The following EEF1AKMT2 variants were observed in gnomAD, a reference collection of about 807,000 sequenced individuals.
EEF1AKMT2 encodes EEF1A lysine methyltransferase 2.
Under a neutral mutation model 35.8 loss-of-function variants are expected in EEF1AKMT2, and 32 were observed. The ratio of observed to expected loss-of-function variants is 0.89; its 90% CI spans 0.67 to 1.20. The LOEUF (loss-of-function observed/expected upper bound fraction) is 1.20. Among genes scored for constraint, EEF1AKMT2 ranks in the 50% most tolerant of loss-of-function variants. The pLI is 0.00. For synonymous variants in EEF1AKMT2, 121 were observed against 133.7 expected (o/e 0.91, Z 0.65); for missense variants, 330 against 347.5 (o/e 0.95, Z 0.40).
At chr10:124,789,987 G>A (rs1029866464) in intron 2 of EEF1AKMT2, among the ~76,000 whole-genome samples, 1 of 151,820 alleles carries the variant, frequency 6.6e-6, no homozygotes, top group African/African-American at 2.4e-5. Flanking sequence ...CGCCTCCCAG[G>A]TTCAAATGAT....
intron 4 of EEF1AKMT2, among the ~76,000 whole-genome samples, chr10:124,772,104 C>G (rs1950442026): frequency 6.6e-6 from 1 of 152,144 alleles, no homozygotes; most frequent in Non-Finnish European, 1.5e-5. Flanking sequence ...TACGGGCCCT[C>G]AGATTTTCGG....
chr10:124,779,814 G>A (rs1950524759), intron 3 of EEF1AKMT2, among the ~76,000 whole-genome samples: 1 of 142,766 alleles, frequency 7.0e-6, no homozygotes, highest in East Asian at 2.2e-4. Flanking sequence ...TGTAATCCCA[G>A]CACTCTTGGA....
rs974389538 is a variant in EEF1AKMT2, at chr10:124,760,166, CGAAAA to C, written c.*332_*336del. The C allele has an allele frequency of 2.3e-5, 9 of 397,576 alleles. No homozygotes were observed. Among genetic ancestry groups the C allele is most frequent in the East Asian group, 1.4e-4 (4 of 28,106 alleles). 24.6% of individuals were successfully genotyped at this position (397,576 alleles called of 1,614,324 possible). On this transcript the variant is annotated 3_prime_UTR_variant, in exon 7 of 7. Transcript: ENST00000368836. ...AGCAGTTATAGGAAATTTTTTTAAT[CGAAAA>C]GAAAACTATTTACATTTCAAATACA...
chr10:124,791,809 C>G lies in EEF1AKMT2; in HGVS notation c.25G>C (p.Gly9Arg). The G allele has an allele frequency of 6.3e-7, 1 of 1,586,756 alleles. No individual in the cohort carries two copies. The highest frequency in any genetic ancestry group is 8.5e-7 in the Non-Finnish European group (1 of 1,172,044). Residue 9 changes from glycine (G) to arginine (R), a missense_variant, in exon 1 of 7, where the codon GGT becomes CGT. Gly to Arg is a moderately radical substitution (Grantham distance 125). Coordinates refer to ENST00000368836, the MANE Select transcript of EEF1AKMT2 (RefSeq NM_212554.4). MSSGADGGGGAAVAARSDK... is the reference protein window; with the variant it reads MSSGADGGRGAAVAARSDK... ...GACCGCGCCGCCACCGCAGCGCCAC[C>G]GCCGCCGTCAGCGCCCGAGCTCATT...
rs546800067 is a variant in EEF1AKMT2, at chr10:124,791,853, G to A, written c.-20C>T. On this transcript the variant is annotated 5_prime_UTR_variant, in exon 1 of 7. Transcript: ENST00000368836. Reference sequence around the variant, plus strand: ...GCTCATTTCGCTCCACGTCCTGGACGGCCGTTGGGGCCGCCATAGAGACGG... The same window carrying A: ...GCTCATTTCGCTCCACGTCCTGGACAGCCGTTGGGGCCGCCATAGAGACGG... 6 of 1,545,090 alleles carry A rather than the reference G, an allele frequency of 3.9e-6. No individual in the cohort carries two copies. The highest frequency in any genetic ancestry group is 1.9e-5 in the Admixed American group (1 of 53,016).
At position 124,769,282 on chromosome 10, in the gene EEF1AKMT2, T is replaced by C. The variant is rs987035539; in HGVS notation, c.400-3674A>G. 2.3e-5 allele frequency among the ~76,000 whole-genome samples: 3 copies of C among 132,710 alleles called. No homozygotes were observed. In the East Asian group the frequency reaches 6.7e-4, roughly 30 times the overall value. 87.1% of individuals were successfully genotyped at this position (132,710 alleles called of 152,430 possible). ...TAAATAAAACGAACAGAATTGGATA[T>C]AGGACTTTAAGGAAAAAGAAGAATC... On this transcript the variant is annotated intron_variant, in intron 4 of 6. Transcript: ENST00000368836.
intron 4 of EEF1AKMT2, among the ~76,000 whole-genome samples, chr10:124,774,104 A>G (rs1402372766): frequency 6.6e-6 from 1 of 152,206 alleles, no homozygotes; most frequent in Non-Finnish European, 1.5e-5. Context: ...GCGGTGGCTC[A>G]CGCCTGTAAT....
intron 1 of EEF1AKMT2, 104 bp downstream of exon 1, chr10:124,791,620 G>C: frequency 6.7e-7 from 1 of 1,488,252 alleles, no homozygotes; most frequent in South Asian, 1.2e-5. Flanking sequence ...ACGCCCCCGA[G>C]GGTCTCCCTG....
rs111980057 is a variant in EEF1AKMT2, at chr10:124,791,844, G to T, written c.-11C>A. On this transcript the variant is annotated 5_prime_UTR_variant, in exon 1 of 7. Transcript: ENST00000368836. ...AGCGCCCGAGCTCATTTCGCTCCAC[G>T]TCCTGGACGGCCGTTGGGGCCGCCA... The T allele has an allele frequency of 2.6e-6, 4 of 1,559,766 alleles. No homozygotes were observed. The highest frequency in any genetic ancestry group is 2.6e-6 in the Non-Finnish European group (3 of 1,159,166).
intron 4 of EEF1AKMT2, among the ~76,000 whole-genome samples, chr10:124,769,946 C>CAAAAAAA (rs71484588): frequency 1.7e-5 from 1 of 60,216 alleles, no homozygotes; most frequent in East Asian, 5.2e-4. Context: ...AACTCCATCT[C>CAAAAAAA]AAAAAAAAAA....
At position 124,757,971 on chromosome 10, in the gene EEF1AKMT2, G is replaced by C. The variant is rs1443442163; in HGVS notation, c.*2532C>G. The C allele has an allele frequency of 6.6e-6, 1 of 152,188 alleles. No individual in the cohort carries two copies. Among genetic ancestry groups the C allele is most frequent in the African/African-American group, 2.4e-5 (1 of 41,456 alleles). The allele number at this position is 152,188 out of a possible 1,614,324, so 9.4% of individuals were successfully genotyped here. A position where few individuals can be genotyped will look rare whatever the true frequency, so the allele number is the denominator to read the frequency against. On this transcript the variant is annotated 3_prime_UTR_variant, in exon 7 of 7. Transcript: ENST00000368836. ...AAAATGTACTGAAAACTTTGTATTTGTTAATTGGGATAACCCACCCATTCA... is the reference window on the plus strand; with the variant it reads ...AAAATGTACTGAAAACTTTGTATTTCTTAATTGGGATAACCCACCCATTCA...
At chr10:124,770,049 A>T (rs1245290711) in intron 4 of EEF1AKMT2, among the ~76,000 whole-genome samples, 1 of 151,840 alleles carries the variant, frequency 6.6e-6, no homozygotes, top group East Asian at 1.9e-4. Context: ...TTGGGAGGCC[A>T]AGGTGGAGGG....
intron 3 of EEF1AKMT2, among the ~76,000 whole-genome samples, chr10:124,783,640 A>G (rs1472749212): frequency 6.6e-6 from 1 of 151,962 alleles, no homozygotes; most frequent in Non-Finnish European, 1.5e-5. Flanking sequence ...AAAAACTTAC[A>G]TATGAATTTT....
chr10:124,772,492 G>A (rs146635511), intron 4 of EEF1AKMT2, among the ~76,000 whole-genome samples: 9 of 133,256 alleles, frequency 6.8e-5, no homozygotes, highest in East Asian at 2.3e-4. Flanking sequence ...GCAGTTGCGC[G>A]ATCTTGGCTC....
In EEF1AKMT2 at chr10:124,758,968, T is replaced by C. The variant is rs1950308055; in HGVS notation, c.*1535A>G. Reference sequence around the variant, plus strand: ...TCAACTATCTTGTCTTAATGGTTGATCAATGTTGATCTAAATGAAAAACTC... The same window carrying C: ...TCAACTATCTTGTCTTAATGGTTGACCAATGTTGATCTAAATGAAAAACTC... On this transcript the variant is annotated 3_prime_UTR_variant, in exon 7 of 7. Transcript: ENST00000368836. 1 of 152,146 alleles carries C rather than the reference T, an allele frequency of 6.6e-6. No individual in the cohort carries two copies. The highest frequency in any genetic ancestry group is 2.4e-5 in the African/African-American group (1 of 41,426). The allele number at this position is 152,146 out of a possible 1,614,324, so 9.4% of individuals were successfully genotyped here. A position where few individuals can be genotyped will look rare whatever the true frequency, so the allele number is the denominator to read the frequency against.
At chr10:124,775,909 T>G (rs1231978104) in intron 3 of EEF1AKMT2, among the ~76,000 whole-genome samples, 2 of 151,932 alleles carry the variant, frequency 1.3e-5, no homozygotes, top group Non-Finnish European at 2.9e-5. Flanking sequence ...TAACTGATTC[T>G]TACCGGTTCC....
At chr10:124,756,684 G>A (rs1950289009), downstream of EEF1AKMT2, among the ~76,000 whole-genome samples, 1 of 152,172 alleles carries the variant, frequency 6.6e-6, no homozygotes, top group Non-Finnish European at 1.5e-5. Context: ...CAGGGATTTT[G>A]CTAAGGTCAT....
intron 3 of EEF1AKMT2, among the ~76,000 whole-genome samples, chr10:124,777,705 T>G (rs1478405930): frequency 3.3e-5 from 5 of 150,074 alleles, no homozygotes; most frequent in Non-Finnish European, 5.9e-5. Flanking sequence ...TTGTTTTTTG[T>G]TTTTTTTTGT....
intron 3 of EEF1AKMT2, among the ~76,000 whole-genome samples, chr10:124,778,852 A>T (rs1950511493): frequency 6.6e-6 from 1 of 152,224 alleles, no homozygotes; most frequent in African/African-American, 2.4e-5. Context: ...GTGATAAAGA[A>T]TGGAAGCCAG....
Sources: allele counts gnomAD v4.1 joint callset (sites outside exome capture counted in the v4.1 genomes callset), GRCh38; gene constraint gnomAD v4.1.1; transcripts MANE v1.5; gene names NCBI Gene and HGNC (gene_info 2026-07-23, HGNC 2026-07-21).